The following RSRC1 variants were observed in gnomAD, a reference collection of about 807,000 sequenced individuals.
The protein encoded by RSRC1 is arginine and serine rich coiled-coil 1, also known as serine/Arginine-related protein 53.
RSRC1 carries 39 observed loss-of-function variants against 49.1 expected under a neutral mutation model. The ratio of observed to expected loss-of-function variants is 0.79; its 90% confidence interval spans 0.61 to 1.04. The LOEUF (loss-of-function observed/expected upper bound fraction) is 1.04. Ranked by LOEUF, RSRC1 falls within the 50% of genes least tolerant of loss-of-function variation. The pLI, the probability that RSRC1 is intolerant of heterozygous loss-of-function variation, is 0.00. For synonymous variants in RSRC1, 143 were observed against 130.8 expected, an observed-to-expected ratio of 1.09 and a Z score of -0.63; for missense variants, 388 against 402.4, an observed-to-expected ratio of 0.96 and a Z score of 0.31.
intron 3 of RSRC1, among the ~76,000 whole-genome samples, chr3:158,201,757 C>G (rs2108277518): frequency 6.6e-6 from 1 of 152,244 alleles, no homozygotes; most frequent in East Asian, 1.9e-4. Context: ...AGCCTAGTTA[C>G]ACTTAATGCT....
intron 7 of RSRC1, among the ~76,000 whole-genome samples, chr3:158,536,490 A>C (rs1478983461): frequency 6.6e-6 from 1 of 151,454 alleles, no homozygotes; most frequent in African/African-American, 2.4e-5. Flanking sequence ...TTTTACAATT[A>C]GTGAAAATTA....
At chr3:158,382,860 G>A (rs558253966) in intron 6 of RSRC1, among the ~76,000 whole-genome samples, 2 of 151,898 alleles carry the variant, frequency 1.3e-5, no homozygotes, top group East Asian at 3.9e-4. Flanking sequence ...GAATTTTTTT[G>A]GAGTTTAATG....
chr3:158,311,408 A>G (rs1728117785), intron 5 of RSRC1, among the ~76,000 whole-genome samples: 1 of 151,966 alleles, frequency 6.6e-6, no homozygotes. Flanking sequence ...TGTATAATCT[A>G]ATTTTTAAAT....
chr3:158,284,992 G>A (rs1336309785), intron 4 of RSRC1, among the ~76,000 whole-genome samples: 2 of 152,186 alleles, frequency 1.3e-5, no homozygotes, highest in Non-Finnish European at 1.5e-5. Flanking sequence ...GAATGGTATT[G>A]CCTAGGTTTT....
chr3:158,478,547 A>G (rs1394439341), intron 7 of RSRC1, among the ~76,000 whole-genome samples: 1 of 133,390 alleles, frequency 7.5e-6, no homozygotes. Context: ...TTTTGTTTCA[A>G]CATCCATCTT....
intron 5 of RSRC1, among the ~76,000 whole-genome samples, chr3:158,326,018 T>C (rs1729109844): frequency 6.6e-6 from 1 of 152,224 alleles, no homozygotes; most frequent in Non-Finnish European, 1.5e-5. Flanking sequence ...ACTCATGATT[T>C]GGCTCTCTGT....
At chr3:158,392,031 T>C (rs986325723) in intron 6 of RSRC1, among the ~76,000 whole-genome samples, 1 of 152,108 alleles carries the variant, frequency 6.6e-6, no homozygotes, top group Admixed American at 6.6e-5. Context: ...TAAGATAATA[T>C]CTACTAATTC....
chr3:158,364,925 A>T (rs1185620676), intron 6 of RSRC1, among the ~76,000 whole-genome samples: 2 of 151,382 alleles, frequency 1.3e-5, no homozygotes, highest in African/African-American at 4.8e-5. Context: ...AATTATAATA[A>T]TGTGTACCTT....
At chr3:158,469,975 A>G (rs1320115832) in intron 7 of RSRC1, among the ~76,000 whole-genome samples, 1 of 152,060 alleles carries the variant, frequency 6.6e-6, no homozygotes, top group East Asian at 1.9e-4. Flanking sequence ...AAGAAATTTG[A>G]CCAAAACCCA....
chr3:158,121,236 CAAA>C (rs1425115452), intron 1 of RSRC1, among the ~76,000 whole-genome samples: 1 of 151,632 alleles, frequency 6.6e-6, no homozygotes, highest in Non-Finnish European at 1.5e-5. Flanking sequence ...ATTTCTCTGT[CAAA>C]AAAGCATCAA....
rs529942793 is a variant in RSRC1, at chr3:158,163,440, T to C, written c.320+39449T>C. ...CTTGAAGATTACTGCTCTGGGCTAC[T>C]AAGTCAGGTGTCATTGAAGAGGTTG... On this transcript the variant is annotated intron_variant, in intron 3 of 9. Transcript: ENST00000611884. 5.3e-5 allele frequency among the ~76,000 whole-genome samples: 8 copies of C among 152,332 alleles called. No individual in the cohort carries two copies. The South Asian group carries it at 1.7e-3, about 32-fold the overall frequency.
chr3:158,293,277 T>TATAC (rs1217997652), intron 4 of RSRC1, among the ~76,000 whole-genome samples: 2 of 152,080 alleles, frequency 1.3e-5, no homozygotes, highest in African/African-American at 2.4e-5. Context: ...TTTCATAATA[T>TATAC]ATACATACAT....
intron 4 of RSRC1, among the ~76,000 whole-genome samples, chr3:158,278,410 A>G (rs1297753249): frequency 6.6e-6 from 1 of 152,210 alleles, no homozygotes; most frequent in Non-Finnish European, 1.5e-5. Context: ...ATTCCACATC[A>G]GGTTGTACTG....
chr3:158,183,274 T>C (rs1366827922), intron 3 of RSRC1, among the ~76,000 whole-genome samples: 13 of 150,882 alleles, frequency 8.6e-5, no homozygotes, highest in Admixed American at 8.6e-4. Context: ...GATAATAGAT[T>C]GAATTTTAAT....
At chr3:158,128,024 A>G (rs1397265446) in intron 3 of RSRC1, among the ~76,000 whole-genome samples, 2 of 152,124 alleles carry the variant, frequency 1.3e-5, no homozygotes, top group Non-Finnish European at 2.9e-5. Context: ...TCTTTTCTCA[A>G]TGGTGCTGAG....
chr3:158,460,685 G>C (rs1233522148), intron 6 of RSRC1, among the ~76,000 whole-genome samples: 1 of 151,734 alleles, frequency 6.6e-6, no homozygotes, highest in Non-Finnish European at 1.5e-5. Context: ...AATGTGTCTT[G>C]CTTAAATTCA....
At chr3:158,139,494 A>C (rs1454664683) in intron 3 of RSRC1, among the ~76,000 whole-genome samples, 1 of 152,192 alleles carries the variant, frequency 6.6e-6, no homozygotes, top group African/African-American at 2.4e-5. Flanking sequence ...ATAGTACCAT[A>C]CGAAACTGCA....
At chr3:158,169,272 G>A (rs1461977226) in intron 3 of RSRC1, among the ~76,000 whole-genome samples, 1 of 152,116 alleles carries the variant, frequency 6.6e-6, no homozygotes, top group Non-Finnish European at 1.5e-5. Context: ...CCGTTTTTGA[G>A]CATGAGTCCC....
chr3:158,257,681 A>G (rs1724645205), intron 4 of RSRC1, among the ~76,000 whole-genome samples: 1 of 151,706 alleles, frequency 6.6e-6, no homozygotes, highest in Non-Finnish European at 1.5e-5. Context: ...CCATTTTGTT[A>G]TTTGTGTTCT....
Sources: gnomAD v4.1 joint callset for allele counts (sites outside exome capture counted in the v4.1 genomes callset) on GRCh38, gnomAD v4.1.1 for gene constraint, MANE v1.5 for transcripts, NCBI Gene and HGNC (gene_info 2026-07-23, HGNC 2026-07-21) for gene names.